RHBDD1: variants seen among roughly 807,000 people sequenced by gnomAD.
RHBDD1 encodes the protein rhomboid domain containing 1.
Under a neutral mutation model 36.3 loss-of-function variants are expected in RHBDD1, and 38 were observed. That is an observed-to-expected ratio of 1.05 (90% CI 0.81 to 1.37). RHBDD1 has a LOEUF of 1.37. Ranked by LOEUF, RHBDD1 falls within the 40% of genes most tolerant of loss-of-function variation. The pLI, the probability that RHBDD1 is intolerant of heterozygous loss-of-function variation, is 0.00. For synonymous variants in RHBDD1, 151 were observed against 136.5 expected (o/e 1.11, Z -0.74); for missense variants, 393 against 377.6 (o/e 1.04, Z -0.34).
intron 5 of RHBDD1, among the ~76,000 whole-genome samples, chr2:226,902,315 GC>G (rs1436932568): frequency 6.6e-6 from 1 of 152,192 alleles, no homozygotes; most frequent in African/African-American, 2.4e-5. Context: ...ACTGATCAGA[GC>G]ATTCAGATGG....
At chr2:226,977,484 G>A (rs1575401069) in intron 8 of RHBDD1, among the ~76,000 whole-genome samples, 1 of 152,254 alleles carries the variant, frequency 6.6e-6, no homozygotes, top group East Asian at 1.9e-4. Context: ...GTGTTGGAAA[G>A]GCGAGCAAAG....
intron 3 of RHBDD1, among the ~76,000 whole-genome samples, chr2:226,846,106 A>G (rs1574766692): frequency 6.6e-6 from 1 of 152,212 alleles, no homozygotes; most frequent in Admixed American, 6.5e-5. Flanking sequence ...TCAGGATTAT[A>G]TACTCACAGT....
At chr2:226,933,273 A>T (rs1029388181) in intron 8 of RHBDD1, among the ~76,000 whole-genome samples, 2 of 152,126 alleles carry the variant, frequency 1.3e-5, no homozygotes, top group Non-Finnish European at 2.9e-5. Flanking sequence ...GCATTATTCC[A>T]TAGGCTATCT....
At chr2:226,863,105 T>C (rs1944007841) in intron 3 of RHBDD1, among the ~76,000 whole-genome samples, 1 of 152,122 alleles carries the variant, frequency 6.6e-6, no homozygotes, top group South Asian at 2.1e-4. Context: ...CCCAGCACTT[T>C]GGGAGGCTGA....
chr2:226,878,968 C>T (rs529568163), intron 5 of RHBDD1, among the ~76,000 whole-genome samples: 1 of 150,938 alleles, frequency 6.6e-6, no homozygotes, highest in African/African-American at 2.4e-5. Context: ...GTCCTAACAA[C>T]AGCACCCATC....
chr2:226,944,208 A>G (rs1039052210), intron 8 of RHBDD1, among the ~76,000 whole-genome samples: 7 of 152,240 alleles, frequency 4.6e-5, no homozygotes, highest in African/African-American at 1.7e-4. Flanking sequence ...CTTAATCAGC[A>G]GTGTGGTTCA....
chr2:226,960,268 A>G (rs1201769339), intron 8 of RHBDD1, among the ~76,000 whole-genome samples: 1 of 152,234 alleles, frequency 6.6e-6, no homozygotes, highest in Admixed American at 6.5e-5. Flanking sequence ...AAGCCAATCA[A>G]GTCGATGGTA....
At chr2:226,885,414 C>T (rs1313399648) in intron 5 of RHBDD1, among the ~76,000 whole-genome samples, 1 of 151,954 alleles carries the variant, frequency 6.6e-6, no homozygotes. Context: ...GGAGAACCCC[C>T]TAAACATCCA....
At chr2:226,961,039 G>GT (rs1952157958) in intron 8 of RHBDD1, among the ~76,000 whole-genome samples, 3 of 152,134 alleles carry the variant, frequency 2.0e-5, no homozygotes, top group African/African-American at 7.2e-5. Context: ...TATGTAAAGC[G>GT]TAAAAAGGGG....
In RHBDD1 at chr2:226,927,447, C is replaced by T. The variant is rs539996412; in HGVS notation, c.856+13096C>T. On this transcript the variant is annotated intron_variant, in intron 8 of 8. Coordinates refer to ENST00000392062, the MANE Select transcript of RHBDD1 (RefSeq NM_001167608.3). ...AAAGCTGCTATAAAAATTTACGTAC[C>T]GGAATTTGTGTAAATATAAGTTTTC... is the stretch of plus-strand genomic sequence containing the variant. 7.9e-5 allele frequency among the ~76,000 whole-genome samples: 12 copies of T among 151,778 alleles called. No homozygotes were observed. The South Asian group carries it at 1.2e-3, about 16-fold the overall frequency.
chr2:226,833,372 C>T (rs577038049), upstream of RHBDD1, among the ~76,000 whole-genome samples: 78 of 152,334 alleles, frequency 5.1e-4, no homozygotes, highest in Admixed American at 1.6e-3. Context: ...TGTTGCCTGA[C>T]GTCCTCTCAC....
chr2:226,819,177 G>C, the RHBDD1 span, among the ~76,000 whole-genome samples: 1 of 152,188 alleles, frequency 6.6e-6, no homozygotes, highest in Non-Finnish European at 1.5e-5. Flanking sequence ...TGATGATGAA[G>C]ACAGATATTC....
rs558020005 is a variant in RHBDD1 at position 226,995,496 on chromosome 2, C to A, written c.922C>A (p.Arg308=). Residue 308 remains arginine, a synonymous_variant, in exon 9 of 9, where the codon CGG becomes AGG. Transcript: ENST00000392062. Reference sequence around the variant, plus strand: ...CTCACCAGAAGAAATGAGGAGACAGCGGCTTCACAGATTCGATAGCCAGTG... The same window carrying A: ...CTCACCAGAAGAAATGAGGAGACAGAGGCTTCACAGATTCGATAGCCAGTG... ...HLSPEEMRRQ[R]LHRFDSQ 7 of 1,612,022 alleles carry A rather than the reference C, an allele frequency of 4.3e-6. No homozygotes were observed. In the South Asian group the frequency reaches 5.5e-5, roughly 13 times the overall value.
the RHBDD1 span, chr2:226,810,954 T>A: frequency 6.6e-6 from 1 of 152,180 alleles, no homozygotes; most frequent in Non-Finnish European, 1.5e-5. Flanking sequence ...CTTTGCCACA[T>A]GGTGACTTGC....
chr2:226,924,884 C>T (rs896046216), intron 8 of RHBDD1, among the ~76,000 whole-genome samples: 2 of 152,206 alleles, frequency 1.3e-5, no homozygotes, highest in Admixed American at 1.3e-4. Context: ...TGAGGAGTGG[C>T]ATTGGCAATT....
At chr2:226,843,253 C>A (rs960144868) in intron 3 of RHBDD1, among the ~76,000 whole-genome samples, 12 of 152,170 alleles carry the variant, frequency 7.9e-5, no homozygotes, top group African/African-American at 2.9e-4. Flanking sequence ...TATTTGAATA[C>A]ACTTTATTTC....
chr2:226,801,232 G>C, the RHBDD1 span, among the ~76,000 whole-genome samples: 1 of 152,184 alleles, frequency 6.6e-6, no homozygotes, highest in Non-Finnish European at 1.5e-5. Flanking sequence ...AGCGCGCCTC[G>C]GCCCAATGCG....
rs1462026481 is a variant in RHBDD1 at position 226,958,755 on chromosome 2, A to G, written c.857-36676A>G. 4.8e-5 allele frequency among the ~76,000 whole-genome samples: 7 copies of G among 145,624 alleles called. No individual in the cohort carries two copies. The Admixed American group carries it at 4.8e-4, about 10-fold the overall frequency. ...GTGTGTGTGTGTGTGTAAATCTGGA[A>G]TATTGAAATTTTAAAGACGCCAGGT... On this transcript the variant is annotated intron_variant, in intron 8 of 8. Transcript: ENST00000392062.
intron 5 of RHBDD1, among the ~76,000 whole-genome samples, chr2:226,903,542 T>C (rs1012751012): frequency 2.0e-5 from 3 of 152,202 alleles, no homozygotes; most frequent in Non-Finnish European, 1.5e-5. Context: ...GACTATAGAA[T>C]TTCTTAGCTT....
Sources: allele counts gnomAD v4.1 joint callset (sites outside exome capture counted in the v4.1 genomes callset), GRCh38; gene constraint gnomAD v4.1.1; transcripts MANE v1.5; gene names NCBI Gene and HGNC (gene_info 2026-07-23, HGNC 2026-07-21).